The following IPCEF1 variants were observed in gnomAD, a reference collection of about 807,000 sequenced individuals.
The protein encoded by IPCEF1 is interaction protein for cytohesin exchange factors 1.
IPCEF1 carries 31 observed loss-of-function variants against 50.9 expected under a neutral mutation model. The observed-to-expected ratio is 0.61, with a 90% CI of 0.46 to 0.82. The LOEUF is 0.82. Ranked by LOEUF, IPCEF1 falls within the 40% of genes least tolerant of loss-of-function variation. The pLI is 0.00. For synonymous variants in IPCEF1, 181 were observed against 192.0 expected (o/e 0.94, Z 0.47); for missense variants, 458 against 514.0 (o/e 0.89, Z 1.05).
At chr6:154,329,284 T>C (rs1783598690) in intron 1 of IPCEF1, among the ~76,000 whole-genome samples, 1 of 151,956 alleles carries the variant, frequency 6.6e-6, no homozygotes, top group African/African-American at 2.4e-5. Flanking sequence ...GTAATATTTT[T>C]AGGTAACTAT....
chr6:154,190,656 G>A (rs1229224977), intron 10 of IPCEF1, among the ~76,000 whole-genome samples: 4 of 152,140 alleles, frequency 2.6e-5, no homozygotes, highest in Non-Finnish European at 5.9e-5. Context: ...TGTACTCATT[G>A]CTATTTACCC....
At chr6:154,215,803 T>C (rs538410788) in intron 7 of IPCEF1, among the ~76,000 whole-genome samples, 5 of 152,006 alleles carry the variant, frequency 3.3e-5, no homozygotes, top group Admixed American at 2.0e-4. Flanking sequence ...CAAGTCTCAA[T>C]AGGATAACAG....
At chr6:154,285,883 A>G (rs11966566) in intron 2 of IPCEF1, among the ~76,000 whole-genome samples, 12,769 of 152,264 alleles carry the variant, frequency 0.084, 945 homozygotes, top group African/African-American at 0.2. Flanking sequence ...TCACTTGGTA[A>G]CATAAATCAA....
chr6:154,231,751 G>C (rs1042697775), intron 5 of IPCEF1, among the ~76,000 whole-genome samples: 16 of 152,210 alleles, frequency 1.1e-4, no homozygotes, highest in African/African-American at 3.6e-4. Flanking sequence ...AGAGGATAGA[G>C]AACAGAGATG....
At chr6:154,336,355 A>C (rs141722147) in intron 1 of IPCEF1, among the ~76,000 whole-genome samples, 3 of 152,218 alleles carry the variant, frequency 2.0e-5, no homozygotes, top group African/African-American at 7.2e-5. Flanking sequence ...GAATGAAATC[A>C]TGTCATTTGC....
In IPCEF1 at chr6:154,304,098, C is replaced by T. The variant is rs569026156; in HGVS notation, c.-61-14342G>A. Among the ~76,000 whole-genome samples, 25 of 151,392 alleles carry T rather than the reference C, an allele frequency of 1.7e-4. 1 individual carries two copies. The South Asian group carries it at 4.6e-3, about 28-fold the overall frequency. ...GTTAGCCTGGTGTGGTGGGGCACAC[C>T]GGTAGTCCCAGCTACTTGGAAGACT... On this transcript the variant is annotated intron_variant, in intron 1 of 11. Transcript: ENST00000367220.
chr6:154,259,368 G>A (rs1781537702), intron 3 of IPCEF1, among the ~76,000 whole-genome samples: 1 of 152,156 alleles, frequency 6.6e-6, no homozygotes, highest in Non-Finnish European at 1.5e-5. Flanking sequence ...AATATGAAAT[G>A]CGCGCTGGGC....
chr6:154,206,234 T>G (rs1339608527), intron 9 of IPCEF1, among the ~76,000 whole-genome samples: 2 of 152,240 alleles, frequency 1.3e-5, no homozygotes, highest in African/African-American at 4.8e-5. Flanking sequence ...TATGTGTATT[T>G]CTCTGGAACC....
intron 2 of IPCEF1, among the ~76,000 whole-genome samples, chr6:154,281,759 T>C (rs1782217530): frequency 6.6e-6 from 1 of 152,072 alleles, no homozygotes; most frequent in East Asian, 1.9e-4. Context: ...TCTCAGCACT[T>C]TGGGAGGCTG....
At chr6:154,331,405 A>AAGAAAGAAAGAAAGAAAGAAAGAG (rs60403800) in intron 1 of IPCEF1, among the ~76,000 whole-genome samples, 2,346 of 92,710 alleles carry the variant, frequency 0.025, 56 homozygotes, top group East Asian at 0.069. Flanking sequence ...GAAAGAAAGA[A>AAGAAAGAAAGAAAGAAAGAAAGAG]AGAGAGAGAA....
chr6:154,214,840 A>G (rs1486551389), intron 7 of IPCEF1, among the ~76,000 whole-genome samples: 1 of 152,232 alleles, frequency 6.6e-6, no homozygotes, highest in Non-Finnish European at 1.5e-5. Flanking sequence ...AAAATGTCCT[A>G]TTTACCATTT....
At chr6:154,323,468 A>ACAAATAAACGTTTATTTAGTATTTC in intron 1 of IPCEF1, among the ~76,000 whole-genome samples, 1 of 152,298 alleles carries the variant, frequency 6.6e-6, no homozygotes, top group South Asian at 2.1e-4. Flanking sequence ...TTTGGTATTT[A>ACAAATAAACGTTTATTTAGTATTTC]CAAATAAACG....
intron 9 of IPCEF1, among the ~76,000 whole-genome samples, chr6:154,206,075 A>G (rs1777469667): frequency 6.6e-6 from 1 of 152,200 alleles, no homozygotes; most frequent in Non-Finnish European, 1.5e-5. Flanking sequence ...GCACCCCCAT[A>G]TTGGTAACAG....
intron 2 of IPCEF1, among the ~76,000 whole-genome samples, chr6:154,285,192 T>G (rs1435980748): frequency 1.3e-5 from 2 of 152,190 alleles, no homozygotes; most frequent in Admixed American, 1.3e-4. Flanking sequence ...TTTTAACAAT[T>G]TGGCTGGAAG....
intron 9 of IPCEF1, among the ~76,000 whole-genome samples, chr6:154,208,437 C>G (rs1777684857): frequency 6.6e-6 from 1 of 152,186 alleles, no homozygotes; most frequent in Non-Finnish European, 1.5e-5. Context: ...CCAATCTCTA[C>G]CCCATCACAT....
intron 1 of IPCEF1, among the ~76,000 whole-genome samples, chr6:154,341,095 C>T (rs1783910121): frequency 6.6e-6 from 1 of 152,098 alleles, no homozygotes; most frequent in African/African-American, 2.4e-5. Flanking sequence ...GAGAGACAAG[C>T]TGTTGCATTC....
At chr6:154,211,605 T>TG (rs1777971178) in intron 9 of IPCEF1, among the ~76,000 whole-genome samples, 1 of 151,668 alleles carries the variant, frequency 6.6e-6, no homozygotes, top group Non-Finnish European at 1.5e-5. Context: ...TTGAAACCAG[T>TG]GGGAAAAAAA....
chr6:154,259,321 A>G (rs545688931), intron 3 of IPCEF1, among the ~76,000 whole-genome samples: 1 of 152,322 alleles, frequency 6.6e-6, no homozygotes, highest in East Asian at 1.9e-4. Context: ...TCCTCTTTCA[A>G]CAAACCCTCC....
chr6:154,295,891 GCGTACACACACACACACACGCA>G (rs1562583529), intron 1 of IPCEF1, among the ~76,000 whole-genome samples: 5 of 112,786 alleles, frequency 4.4e-5, no homozygotes, highest in African/African-American at 1.9e-4. Context: ...ACACACACAT[GCGTACACACACACACACACGCA>G]CACACACACA....
Sources: gnomAD v4.1 joint callset for allele counts (sites outside exome capture counted in the v4.1 genomes callset) on GRCh38, gnomAD v4.1.1 for gene constraint, MANE v1.5 for transcripts, NCBI Gene and HGNC (gene_info 2026-07-23, HGNC 2026-07-21) for gene names.